The following EYA3 variants were observed in gnomAD, a reference collection of about 807,000 sequenced individuals.
The protein encoded by EYA3 is EYA transcriptional coactivator and phosphatase 3.
A neutral mutation model predicts 80.0 loss-of-function variants in EYA3; 39 were observed. The ratio of observed to expected loss-of-function variants is 0.49; its 90% confidence interval spans 0.38 to 0.64. The LOEUF (loss-of-function observed/expected upper bound fraction) is 0.64. Ranked by LOEUF, EYA3 falls within the 30% of genes least tolerant of loss-of-function variation. The pLI, the probability that EYA3 is intolerant of heterozygous loss-of-function variation, is 0.00. For missense variants in EYA3, 523 were observed against 676.1 expected, an observed-to-expected ratio of 0.77 and a Z score of 2.51; for synonymous variants, 206 against 232.8, an observed-to-expected ratio of 0.88 and a Z score of 1.05.
In EYA3 at chr1:28,038,902, A is replaced by G. The variant is rs1643619929; in HGVS notation, c.161T>C (p.Met54Thr). The G allele has an allele frequency of 6.3e-7, 1 of 1,591,336 alleles. No individual in the cohort carries two copies. Among genetic ancestry groups the G allele is most frequent in the African/African-American group, 1.3e-5 (1 of 74,636 alleles). Residue 54 changes from methionine (M) to threonine (T), a missense_variant, in exon 5 of 18, where the codon ATG (methionine) becomes ACG (threonine). Transcript: ENST00000373871. ...GCGAGGGATGTAATCGGTGCATGTCATAACTGAAAGAAAGATAATATCACC... is the reference window on the plus strand; with the variant it reads ...GCGAGGGATGTAATCGGTGCATGTCGTAACTGAAAGAAAGATAATATCACC... Reference protein sequence around the residue: ...ASNLPMSEEIMTCTDYIPRSS... With the variant: ...ASNLPMSEEITTCTDYIPRSS...
Position 28,049,263 on chromosome 1 carries a change from T to C in EYA3, c.34-837A>G, listed in dbSNP as rs373852285. 5.5e-4 allele frequency among the ~76,000 whole-genome samples: 84 copies of C among 152,292 alleles called. 1 individual carries two copies. Among genetic ancestry groups the C allele is most frequent in the African/African-American group, 1.8e-3 (76 of 41,572 alleles). On this transcript the variant is annotated intron_variant, in intron 2 of 17. Transcript: ENST00000373871. ...ATACAGGCAAGCCCCATAAAATTTG[T>C]CGTGGCCATATACTCCTCATGAGAA...
intron 1 of EYA3, among the ~76,000 whole-genome samples, chr1:28,083,672 G>C (rs879585578): frequency 6.6e-6 from 1 of 152,134 alleles, no homozygotes; most frequent in Non-Finnish European, 1.5e-5. Flanking sequence ...GAGTTTCATG[G>C]TTCAGTTGTG....
chr1:28,008,050 C>A (rs1036097778), intron 10 of EYA3, among the ~76,000 whole-genome samples: 7 of 152,066 alleles, frequency 4.6e-5, no homozygotes, highest in Admixed American at 3.9e-4. Flanking sequence ...ATGAAATAAA[C>A]CGAGAGTCTA....
intron 2 of EYA3, among the ~76,000 whole-genome samples, chr1:28,053,153 CAAAAAAAAAAA>C (rs34075939): frequency 6.9e-5 from 5 of 72,526 alleles, no homozygotes; most frequent in African/African-American, 2.2e-4. Flanking sequence ...GACCCCGTCT[CAAAAAAAAAAA>C]AAAAAAAAAA....
intron 1 of EYA3, among the ~76,000 whole-genome samples, chr1:28,065,355 C>T (rs1249359404): frequency 6.6e-6 from 1 of 152,094 alleles, no homozygotes; most frequent in Non-Finnish European, 1.5e-5. Flanking sequence ...TCACTGCAAC[C>T]TCCGCCTCCT....
At chr1:28,003,806 C>T (rs1377105538) in intron 11 of EYA3, among the ~76,000 whole-genome samples, 1 of 152,182 alleles carries the variant, frequency 6.6e-6, no homozygotes, top group African/African-American at 2.4e-5. Flanking sequence ...AGTCTCAAAA[C>T]AGCCCATCCT....
At chr1:27,980,179 G>A (rs1639203454) in intron 16 of EYA3, among the ~76,000 whole-genome samples, 1 of 152,194 alleles carries the variant, frequency 6.6e-6, no homozygotes, top group South Asian at 2.1e-4. Context: ...TGATTCAGTG[G>A]AGGACTGTAG....
intron 1 of EYA3, among the ~76,000 whole-genome samples, chr1:28,088,222 G>A (rs904565628): frequency 2.6e-5 from 4 of 152,180 alleles, no homozygotes; most frequent in African/African-American, 9.7e-5. Context: ...GAGAAAAAAG[G>A]AGAGGCAGTG....
chr1:28,041,717 C>T (rs1379242398), intron 4 of EYA3, among the ~76,000 whole-genome samples: 2 of 151,464 alleles, frequency 1.3e-5, no homozygotes, highest in Non-Finnish European at 2.9e-5. Context: ...ACTTTGTTGC[C>T]CAGGCTGATC....
intron 1 of EYA3, among the ~76,000 whole-genome samples, chr1:28,070,007 T>A (rs1028236457): frequency 1.8e-4 from 27 of 152,306 alleles, no homozygotes; most frequent in African/African-American, 6.3e-4. Flanking sequence ...CTAAAGCCTC[T>A]GGAGCAAGTT....
chr1:27,995,516 T>C, intron 13 of EYA3, among the ~76,000 whole-genome samples: 1 of 151,356 alleles, frequency 6.6e-6, no homozygotes, highest in Non-Finnish European at 1.5e-5. Flanking sequence ...GTGGGTAGAT[T>C]GCTTAAGCTC....
At chr1:27,993,323 A>C in intron 14 of EYA3, 77 bp downstream of exon 14, 2 of 1,406,182 alleles carry the variant, frequency 1.4e-6, no homozygotes, top group Non-Finnish European at 2.0e-6. Context: ...GTCATGGGGA[A>C]TCTAAGGAAT....
At chr1:28,048,970 G>A (rs1644138059) in intron 2 of EYA3, among the ~76,000 whole-genome samples, 1 of 152,010 alleles carries the variant, frequency 6.6e-6, no homozygotes, top group African/African-American at 2.4e-5. Flanking sequence ...TTGAAACAGT[G>A]TAAGAATCCA....
At chr1:28,043,128 C>A (rs138424804) in intron 3 of EYA3, among the ~76,000 whole-genome samples, 45 of 152,288 alleles carry the variant, frequency 3.0e-4, no homozygotes, top group African/African-American at 1.0e-3. Context: ...CAGGTGTGAG[C>A]CACCACGCCC....
intron 7 of EYA3, among the ~76,000 whole-genome samples, chr1:28,026,290 C>T (rs1445706771): frequency 6.6e-6 from 1 of 152,152 alleles, no homozygotes; most frequent in Non-Finnish European, 1.5e-5. Flanking sequence ...ACTAGACTTA[C>T]CTGTGGTTGA....
At chr1:28,038,546 T>G (rs1643595045) in intron 5 of EYA3, among the ~76,000 whole-genome samples, 1 of 149,084 alleles carries the variant, frequency 6.7e-6, no homozygotes, top group South Asian at 2.1e-4. Context: ...ACAGAGAAAA[T>G]GATCAGAGGT....
intron 8 of EYA3, among the ~76,000 whole-genome samples, chr1:28,014,417 CAAAAAAAAAAAAAA>C (rs1173842687): frequency 5.2e-4 from 26 of 49,532 alleles, no homozygotes; most frequent in Admixed American, 2.1e-3. Flanking sequence ...CACACTGTCT[CAAAAAAAAAAAAAA>C]AAAAAAAAAA....
chr1:28,050,567 C>T (rs750946059), intron 2 of EYA3, among the ~76,000 whole-genome samples: 1 of 151,926 alleles, frequency 6.6e-6, no homozygotes, highest in Non-Finnish European at 1.5e-5. Context: ...AATTTATTAC[C>T]GTGCCAACCC....
chr1:28,016,184 G>A (rs1351769151), intron 8 of EYA3, among the ~76,000 whole-genome samples: 1 of 152,142 alleles, frequency 6.6e-6, no homozygotes, highest in East Asian at 1.9e-4. Context: ...ACAGTCCTTA[G>A]AAAAATACCA....
Sources: gnomAD v4.1 joint callset for allele counts (sites outside exome capture counted in the v4.1 genomes callset) on GRCh38, gnomAD v4.1.1 for gene constraint, MANE v1.5 for transcripts, NCBI Gene and HGNC (gene_info 2026-07-23, HGNC 2026-07-21) for gene names.